Variants in PBXIP1 observed in about 807,000 individuals in gnomAD.
The protein encoded by PBXIP1 is PBX homeobox interacting protein 1, also known as pre-B-cell leukemia transcription factor-interacting protein 1.
A neutral mutation model predicts 73.7 loss-of-function variants in PBXIP1; 73 were observed. The observed-to-expected ratio is 0.99, with a 90% CI of 0.82 to 1.20. The LOEUF is 1.20. Ranked by LOEUF, PBXIP1 falls within the 50% of genes most tolerant of loss-of-function variation. PBXIP1 has a pLI of 0.00. For missense variants in PBXIP1, 818 were observed against 911.4 expected, an observed-to-expected ratio of 0.90 and a Z score of 1.32; for synonymous variants, 330 against 366.9, an observed-to-expected ratio of 0.90 and a Z score of 1.15.
At chr1:154,952,299 G>A (rs1298246164) in intron 2 of PBXIP1, among the ~76,000 whole-genome samples, 19 of 152,148 alleles carry the variant, frequency 1.2e-4, no homozygotes, top group Admixed American at 1.2e-3. Flanking sequence ...GGGTGCCCAC[G>A]GGTCACAGTT....
Position 154,951,094 on chromosome 1 carries a change from G to A in PBXIP1, c.409+138C>T. ...ACCTTTCTGGGCCTCAACGTCCCAG[G>A]GGTAGTGGTGAGAAAGGAGAGCACC... On this transcript the variant is annotated intron_variant, in intron 5 of 10. Transcript: ENST00000368463. This position sits in a 1 kb window ranked among gnomAD's most constrained non-coding sequence, Gnocchi z 4.3. 1 of 731,024 alleles carries A rather than the reference G, an allele frequency of 1.4e-6. No homozygotes were observed. The highest frequency in any genetic ancestry group is 2.3e-6 in the Non-Finnish European group (1 of 436,530). The allele number at this position is 731,024 out of a possible 1,614,324, so 45.3% of individuals were successfully genotyped here.
Position 154,948,278 on chromosome 1 carries a change from C to T in PBXIP1, c.498G>A (p.Glu166=), listed in dbSNP as rs763480267. 1 of 1,610,116 alleles carries T rather than the reference C, an allele frequency of 6.2e-7. No homozygotes were observed. Among genetic ancestry groups the T allele is most frequent in the Non-Finnish European group, 8.5e-7 (1 of 1,178,558 alleles). The change falls in exon 6 of 11, where the codon GAG becomes GAA. Residue 166 remains glutamate (E), a synonymous_variant. Coordinates refer to ENST00000368463, the MANE Select transcript of PBXIP1 (RefSeq NM_020524.4). ...MEGLRRRRGR[E]AGPPQPMVPL... is the part of the protein sequence containing the mutation. Reference sequence around the variant, plus strand: ...GCACCATGGGCTGAGGTGGGCCGGCCTCCCGGCCCCGCCGTCTCCGCAGAC... The same window carrying T: ...GCACCATGGGCTGAGGTGGGCCGGCTTCCCGGCCCCGCCGTCTCCGCAGAC...
At position 154,951,828 on chromosome 1, in the gene PBXIP1, C is replaced by T; in HGVS notation, c.145G>A (p.Gly49Arg). Reference protein sequence around the residue: ...QAPHSPSKTDGKELAGTMDGE... With the variant: ...QAPHSPSKTDRKELAGTMDGE... The stretch of plus-strand genomic sequence containing the variant: ...TCCATGGTCCCAGCTAATTCTTTCC[C>T]ATCTGTCTTGGAGGGGCTGTGAGGG... The change falls in exon 3 of 11, where the codon GGG becomes AGG. Residue 49 changes from glycine (G) to arginine (R), a missense_variant. Physicochemically the swap from Gly to Arg is moderately radical, Grantham distance 125 (BLOSUM62 -2). Coordinates refer to ENST00000368463, the MANE Select transcript of PBXIP1 (RefSeq NM_020524.4). The surrounding 1 kb of genome is among the most constrained non-coding windows in gnomAD (Gnocchi z 4.3). 1 of 1,614,056 alleles carries T rather than the reference C, an allele frequency of 6.2e-7. No individual in the cohort carries two copies. The highest frequency in any genetic ancestry group is 8.5e-7 in the Non-Finnish European group (1 of 1,179,980).
Position 154,945,825 on chromosome 1 carries a change from A to G in PBXIP1, c.1849T>C (p.Ser617Pro), listed in dbSNP as rs1365456816. 2 of 1,614,182 alleles carry G rather than the reference A, an allele frequency of 1.2e-6. No individual in the cohort carries two copies. The highest frequency in any genetic ancestry group is 1.7e-6 in the Non-Finnish European group (2 of 1,180,024). The change falls in exon 10 of 11, where the codon TCT (serine) becomes CCT (proline). Residue 617 changes from serine to proline, a missense_variant. Physicochemically the swap from Ser to Pro is moderately conservative, Grantham distance 74 (BLOSUM62 -1). Coordinates refer to ENST00000368463, the MANE Select transcript of PBXIP1 (RefSeq NM_020524.4). ...CGTGCCAAGTATGTTCTTAGCAGAG[A>G]GGCCAGCTCCTGTTGCCGCACTGGG... is the stretch of plus-strand genomic sequence containing the variant. ...LAPVRQQELA[S>P]LLRTYLARLP...
At chr1:154,948,582 C>T (rs949055375) in intron 5 of PBXIP1, among the ~76,000 whole-genome samples, 2 of 152,166 alleles carry the variant, frequency 1.3e-5, no homozygotes, top group East Asian at 1.9e-4. Context: ...TGTCAATCTA[C>T]GAGCTATAAA....
chr1:154,953,485 G>C (rs2101989578), intron 2 of PBXIP1, among the ~76,000 whole-genome samples, 186 bp downstream of exon 2: 1 of 152,286 alleles, frequency 6.6e-6, no homozygotes, highest in African/African-American at 2.4e-5. Context: ...CATGGTCCAA[G>C]TGCCAACACC....
chr1:154,945,408 A>G (rs899345225), intron 10 of PBXIP1, among the ~76,000 whole-genome samples, 164 bp downstream of exon 10: 5 of 152,188 alleles, frequency 3.3e-5, no homozygotes, highest in Non-Finnish European at 7.4e-5. Context: ...GGGCACAGGC[A>G]GCTTCCTACC....
chr1:154,949,536 TAA>T (rs762197733), intron 5 of PBXIP1, among the ~76,000 whole-genome samples: 10 of 152,142 alleles, frequency 6.6e-5, no homozygotes, highest in Non-Finnish European at 1.2e-4. Context: ...CATCTTTATA[TAA>T]GCACACACTT....
intron 1 of PBXIP1, among the ~76,000 whole-genome samples, chr1:154,954,319 T>G (rs923981231): frequency 6.6e-6 from 1 of 152,220 alleles, no homozygotes; most frequent in Non-Finnish European, 1.5e-5. Flanking sequence ...TTCTCAATCT[T>G]GGCTGCACAT....
rs1365433907 is a variant in PBXIP1 at position 154,951,577 on chromosome 1, C to T, written c.179-42G>A. The stretch of plus-strand genomic sequence containing the variant: ...GGCGCAGAAAAACCCACTGCCCCAG[C>T]TGAATTTCCTTTGCAGCCCTCTGTC... On this transcript the variant is annotated intron_variant, in intron 3 of 10. Coordinates refer to ENST00000368463, the MANE Select transcript of PBXIP1 (RefSeq NM_020524.4). This position sits in a 1 kb window ranked among gnomAD's most constrained non-coding sequence, Gnocchi z 4.3. 1.3e-6 allele frequency: 2 copies of T among 1,592,980 alleles called. No individual in the cohort carries two copies. Among genetic ancestry groups the T allele is most frequent in the Non-Finnish European group, 1.7e-6 (2 of 1,161,060 alleles).
chr1:154,951,348 T>G lies in PBXIP1; in HGVS notation c.293A>C (p.Asp98Ala). Residue 98 changes from aspartate (D) to alanine (A), a missense_variant, in exon 5 of 11, where the codon GAC becomes GCC. Coordinates refer to ENST00000368463, the MANE Select transcript of PBXIP1 (RefSeq NM_020524.4). The surrounding 1 kb of genome is among the most constrained non-coding windows in gnomAD (Gnocchi z 4.3). ...CTGCAGGTCTCCCTGGACTACTGTG[T>G]CTCCTGGGCCAGGAGGCTCCACACC... ...VCGVEPPGPG[D>A]TVVQGDLQET... The G allele has an allele frequency of 1.2e-6, 2 of 1,614,038 alleles. No individual in the cohort carries two copies. The highest frequency in any genetic ancestry group is 1.7e-6 in the Non-Finnish European group (2 of 1,179,932).
Position 154,946,295 on chromosome 1 carries a change from C to T in PBXIP1, c.1379G>A (p.Trp460Ter), listed in dbSNP as rs1400983871. The T allele has an allele frequency of 6.2e-7, 1 of 1,614,094 alleles. No individual in the cohort carries two copies. The highest frequency in any genetic ancestry group is 1.7e-5 in the Admixed American group (1 of 60,004). ...ATTCTGGAAGTGGGACTTCTGGTGC[C>T]AGGCCTTTGAGGCATTGGCAGAGAC... ...PGVSANASKA[W>*]HQKSHFQNSR... is the part of the protein sequence containing the mutation. Residue 460 changes from tryptophan to a stop codon, truncating the protein, a stop_gained, in exon 10 of 11, where the codon TGG (tryptophan) becomes TAG (stop). Transcript: ENST00000368463. LOFTEE classifies it high-confidence loss of function.
At chr1:154,952,713 GA>G (rs908063229) in intron 2 of PBXIP1, among the ~76,000 whole-genome samples, 1 of 152,180 alleles carries the variant, frequency 6.6e-6, no homozygotes, top group African/African-American at 2.4e-5. Flanking sequence ...ACAGAGAGGT[GA>G]AATGGCATGC....
chr1:154,945,842 C>T lies in PBXIP1; in HGVS notation c.1832G>A (p.Arg611Gln), dbSNP rs549659614. Reference sequence around the variant, plus strand: ...TAGCAGAGAGGCCAGCTCCTGTTGCCGCACTGGGGCTAGCTCTGTGCCAAA... The same window carrying T: ...TAGCAGAGAGGCCAGCTCCTGTTGCTGCACTGGGGCTAGCTCTGTGCCAAA... ...TFFGTELAPV[R>Q]QQELASLLRT... The change falls in exon 10 of 11, where the codon CGG (arginine) becomes CAG (glutamine). Residue 611 changes from arginine (R) to glutamine (Q), a missense_variant. Physicochemically the swap from Arg to Gln is conservative, Grantham distance 43 (BLOSUM62 1). Transcript: ENST00000368463. The T allele has an allele frequency of 1.2e-5, 19 of 1,614,176 alleles. No individual in the cohort carries two copies. The highest frequency in any genetic ancestry group is 5.3e-5 in the African/African-American group (4 of 75,056).
chr1:154,946,882 T>C (rs1291511034), intron 9 of PBXIP1, 79 bp from the exon 10 acceptor site: 1 of 1,397,108 alleles, frequency 7.2e-7, no homozygotes, highest in African/African-American at 1.4e-5. Context: ...CCCAATTCCA[T>C]TCTATTATAG....
In PBXIP1 at chr1:154,946,025, G is replaced by A; in HGVS notation, c.1649C>T (p.Ser550Phe). The change falls in exon 10 of 11, where the codon TCC (serine) becomes TTC (phenylalanine). Residue 550 changes from serine to phenylalanine, a missense_variant. Ser to Phe is a radical substitution (Grantham distance 155). Coordinates refer to ENST00000368463, the MANE Select transcript of PBXIP1 (RefSeq NM_020524.4). Reference protein sequence around the residue: ...EPPRKSGSFHSSGEKQKQPRW... With the variant: ...EPPRKSGSFHFSGEKQKQPRW... Reference sequence around the variant, plus strand: ...AGGTTGCTTCTGCTTTTCTCCAGAGGAGTGGAAGCTACCACTTTTCCTTGG... The same window carrying A: ...AGGTTGCTTCTGCTTTTCTCCAGAGAAGTGGAAGCTACCACTTTTCCTTGG... 3.1e-6 allele frequency: 5 copies of A among 1,614,138 alleles called. No individual in the cohort carries two copies. The highest frequency in any genetic ancestry group is 4.2e-6 in the Non-Finnish European group (5 of 1,179,992).
At position 154,955,932 on chromosome 1, in the gene PBXIP1, C is replaced by G. The variant is rs1655163624; in HGVS notation, c.-37+137G>C. ...CCAGAGCAAGTTCCTGTTGTGTTAG[C>G]GTCGGCACCTGGCCTTCCTCCCCCA... On this transcript the variant is annotated intron_variant, in intron 1 of 10. Transcript: ENST00000368463. 3 of 152,518 alleles carry G rather than the reference C, an allele frequency of 2.0e-5. No homozygotes were observed. The South Asian group carries it at 6.2e-4, about 32-fold the overall frequency. 9.4% of individuals were successfully genotyped at this position (152,518 alleles called of 1,614,324 possible).
chr1:154,950,867 A>G (rs1343454861), intron 5 of PBXIP1, among the ~76,000 whole-genome samples: 1 of 152,262 alleles, frequency 6.6e-6, no homozygotes, highest in Non-Finnish European at 1.5e-5. Context: ...ACCTTGGCTC[A>G]GTCTGATCTG....
At chr1:154,946,892 G>T in intron 9 of PBXIP1, 89 bp from the exon 10 acceptor site, 1 of 1,323,250 alleles carries the variant, frequency 7.6e-7, no homozygotes, top group Non-Finnish European at 1.0e-6. Flanking sequence ...TTCTATTATA[G>T]TGGGCAGGTG....
Sources: allele counts gnomAD v4.1 joint callset (sites outside exome capture counted in the v4.1 genomes callset), GRCh38; gene constraint gnomAD v4.1.1; non-coding constraint Gnocchi (gnomAD v3.1); transcripts MANE v1.5; gene names NCBI Gene and HGNC (gene_info 2026-07-23, HGNC 2026-07-21).